WDCP: variants seen among roughly 807,000 people sequenced by gnomAD.
WDCP encodes the protein WD repeat and coiled-coil-containing protein.
In WDCP, 19 loss-of-function variants were observed where a neutral mutation model predicts 41.6. The observed-to-expected ratio is 0.46, with a 90% CI of 0.32 to 0.67. The LOEUF (loss-of-function observed/expected upper bound fraction) is 0.67, where lower values mean the gene tolerates loss of function less well. Ranked by LOEUF, WDCP falls within the 30% of genes least tolerant of loss-of-function variation. The probability of loss-of-function intolerance (pLI) is 0.04; values close to 1 mark genes in which losing one functional copy is unlikely to be tolerated. For missense variants in WDCP, 802 were observed against 850.7 expected (o/e 0.94, Z 0.71); for synonymous variants, 302 against 320.8 (o/e 0.94, Z 0.63).
At chr2:24,042,754 C>T (rs1001100524) in intron 1 of WDCP, among the ~76,000 whole-genome samples, 11 of 151,044 alleles carry the variant, frequency 7.3e-5, no homozygotes, top group Non-Finnish European at 1.6e-4. Context: ...GGGCCAGAGC[C>T]AGGCGCGGCG....
At chr2:24,044,311 C>G (rs1328705946) in intron 1 of WDCP, among the ~76,000 whole-genome samples, 1 of 151,988 alleles carries the variant, frequency 6.6e-6, no homozygotes, top group Non-Finnish European at 1.5e-5. Context: ...GCTCCGTTAC[C>G]CAGGCTGGAG....
intron 3 of WDCP, among the ~76,000 whole-genome samples, 188 bp from the exon 4 acceptor site, chr2:24,031,350 A>C (rs2150946226): frequency 6.6e-6 from 1 of 152,316 alleles, no homozygotes; most frequent in Non-Finnish European, 1.5e-5. Flanking sequence ...AGGTAGGAGA[A>C]AAAGGGGAAA....
chr2:24,038,484 T>C lies in WDCP; in HGVS notation c.1011A>G (p.Pro337=), dbSNP rs140402918. 8.1e-6 allele frequency: 13 copies of C among 1,614,120 alleles called. No homozygotes were observed. Among genetic ancestry groups the C allele is most frequent in the Non-Finnish European group, 1.0e-5 (12 of 1,180,052 alleles). Residue 337 remains proline (P), a synonymous_variant, in exon 2 of 4, where the codon CCA becomes CCG. Coordinates refer to ENST00000295148, the MANE Select transcript of WDCP (RefSeq NM_025203.3). ...CTATCAGATCAGGAACCAGAATGCC[T>C]GGAATAGTGACTTTTCTCGTCATGG... The part of the protein sequence containing the change: ...AVTMTRKVTI[P]GILVPDLIAF...
intron 2 of WDCP, among the ~76,000 whole-genome samples, chr2:24,036,970 TATA>T (rs1396223043): frequency 1.3e-5 from 2 of 152,276 alleles, no homozygotes; most frequent in African/African-American, 2.4e-5. Context: ...ATCCCACTTA[TATA>T]ATGTTTGGAC....
At chr2:24,037,470 T>C (rs1663290460) in intron 2 of WDCP, among the ~76,000 whole-genome samples, 1 of 152,234 alleles carries the variant, frequency 6.6e-6, no homozygotes, top group African/African-American at 2.4e-5. Flanking sequence ...GATAAAATCA[T>C]GATGCAGACT....
chr2:24,031,083 T>C lies in WDCP; in HGVS notation c.2016A>G (p.Ile672Met). The change falls in exon 4 of 4, where the codon ATA (isoleucine) becomes ATG (methionine). Residue 672 changes from isoleucine to methionine, a missense_variant. Physicochemically the swap from Ile to Met is conservative, Grantham distance 10 (BLOSUM62 1). Coordinates refer to ENST00000295148, the MANE Select transcript of WDCP (RefSeq NM_025203.3). ...LTFTATQEII[I>M]RDGSLSRSDV... ...CTGACCTGGACAGGCTGCCATCTCT[T>C]ATGATTATTTCCTGTGTGGCTGTGA... 6.2e-7 allele frequency: 1 copy of C among 1,614,218 alleles called. No individual in the cohort carries two copies.
chr2:24,032,945 T>G lies in WDCP; in HGVS notation c.1820A>C (p.Lys607Thr). 6.4e-7 allele frequency: 1 copy of G among 1,574,180 alleles called. No homozygotes were observed. The highest frequency in any genetic ancestry group is 8.7e-7 in the Non-Finnish European group (1 of 1,145,114). The change falls in exon 3 of 4, where the codon AAA becomes ACA. Residue 607 changes from lysine to threonine, a missense_variant and splice_region_variant. By Grantham distance (78) the Lys-to-Thr change is moderately conservative (BLOSUM62 -1). This residue lies in a region of WDCP where 321 missense variants were observed against 305.1 expected (regional missense o/e 1.05). Coordinates refer to ENST00000295148, the MANE Select transcript of WDCP (RefSeq NM_025203.3). ...AACAACAGGACCTAGATAATAAGGT[T>G]TCTGCAAATAAAAAATAAAAGTTGT... ...DLPYVHIIYQKPYYLGPVVEK... is the reference protein window; with the variant it reads ...DLPYVHIIYQTPYYLGPVVEK...
chr2:24,037,194 T>C (rs1235527595), intron 2 of WDCP, among the ~76,000 whole-genome samples: 4 of 152,146 alleles, frequency 2.6e-5, no homozygotes, highest in African/African-American at 9.7e-5. Flanking sequence ...AGCTAATTTT[T>C]ATATTTTTGT....
chr2:24,038,029 C>A lies in WDCP; in HGVS notation c.1466G>T (p.Gly489Val), dbSNP rs1663311227. Residue 489 changes from glycine (G) to valine (V), a missense_variant, in exon 2 of 4, where the codon GGA becomes GTA. Gly to Val is a moderately radical substitution (Grantham distance 109). Around this residue, in one of 5 missense-constraint regions of WDCP, gnomAD observed 321 missense variants for 305.1 expected, o/e 1.05. Coordinates refer to ENST00000295148, the MANE Select transcript of WDCP (RefSeq NM_025203.3). ...TTTAATAAGTGTTCTTCCAGGCCTTCCATTCTGACTACTGGTATTAACTGT... is the reference window on the plus strand; with the variant it reads ...TTTAATAAGTGTTCTTCCAGGCCTTACATTCTGACTACTGGTATTAACTGT... ...LLTVNTSSQN[G>V]RPGRTLIKEI... The A allele has an allele frequency of 1.2e-6, 2 of 1,614,048 alleles. No homozygotes were observed. Among genetic ancestry groups the A allele is most frequent in the African/African-American group, 1.3e-5 (1 of 74,922 alleles).
chr2:24,045,631 G>GGA (rs367897717), intron 1 of WDCP, among the ~76,000 whole-genome samples: 1 of 106,156 alleles, frequency 9.4e-6, no homozygotes, highest in African/African-American at 4.8e-5. Context: ...GAGAGAGAGA[G>GGA]AGGAAGGAAG....
chr2:24,039,587 A>ATTTGTC (rs1663361695), intron 1 of WDCP, 75 bp from the exon 2 acceptor site: 1 of 1,346,176 alleles, frequency 7.4e-7, no homozygotes, highest in Non-Finnish European at 1.0e-6. Context: ...TTGGTAAGAC[A>ATTTGTC]ACGGCTTAGC....
At chr2:24,036,834 G>A (rs1663271000) in intron 2 of WDCP, among the ~76,000 whole-genome samples, 1 of 152,194 alleles carries the variant, frequency 6.6e-6, no homozygotes, top group Non-Finnish European at 1.5e-5. Context: ...TAGATCATGT[G>A]ACCATGGAGA....
chr2:24,039,462 A>T lies in WDCP; in HGVS notation c.33T>A (p.Thr11=). The T allele has an allele frequency of 6.2e-7, 1 of 1,612,808 alleles. No homozygotes were observed. The highest frequency in any genetic ancestry group is 8.5e-7 in the Non-Finnish European group (1 of 1,178,824). The part of the protein sequence containing the change: MELGKGKLLR[T]GLNALHQAVH... ...CTGCTTGATGCAACGCATTCAGTCCAGTCCTGAGTAGTTTTCCTTTTCCCA... is the reference window on the plus strand; with the variant it reads ...CTGCTTGATGCAACGCATTCAGTCCTGTCCTGAGTAGTTTTCCTTTTCCCA... The change falls in exon 2 of 4, where the codon ACT becomes ACA. Residue 11 remains threonine (T), a synonymous_variant. Transcript: ENST00000295148.
chr2:24,037,552 CAT>C (rs1663292423), intron 2 of WDCP, 123 bp downstream of exon 2: 1 of 1,127,164 alleles, frequency 8.9e-7, no homozygotes, highest in African/African-American at 1.6e-5. Context: ...TTGCCTGTAA[CAT>C]AACATGCCCA....
chr2:24,038,686 T>A lies in WDCP; in HGVS notation c.809A>T (p.Asn270Ile). Reference sequence around the variant, plus strand: ...GGAAGAAGAAACTGATACTTCAGAATTTGTTTCAGAATCAGTTGCCTCTTT... The same window carrying A: ...GGAAGAAGAAACTGATACTTCAGAAATTGTTTCAGAATCAGTTGCCTCTTT... ...MDKEATDSET[N>I]SEVSVSSSYL... The change falls in exon 2 of 4, where the codon AAT becomes ATT. Residue 270 changes from asparagine to isoleucine, a missense_variant. Coordinates refer to ENST00000295148, the MANE Select transcript of WDCP (RefSeq NM_025203.3). 6.2e-7 allele frequency: 1 copy of A among 1,614,212 alleles called. No homozygotes were observed.
intron 2 of WDCP, among the ~76,000 whole-genome samples, chr2:24,035,756 A>AAAAAAAAATTTTTTTTAGTT (rs1469432572): frequency 7.9e-5 from 12 of 151,138 alleles, no homozygotes; most frequent in Non-Finnish European, 1.5e-4. Context: ...CTCTATAGTT[A>AAAAAAAAATTTTTTTTAGTT]AAAAAAAATT....
chr2:24,045,746 G>A (rs971630155), intron 1 of WDCP: 3 of 152,124 alleles, frequency 2.0e-5, no homozygotes, highest in African/African-American at 7.3e-5. Context: ...GCTGAGGTGG[G>A]AGGATCACTT....
In WDCP at chr2:24,031,182, C is replaced by A. The variant is rs185397571; in HGVS notation, c.1937-20G>T. On this transcript the variant is annotated intron_variant, in intron 3 of 3. Coordinates refer to ENST00000295148, the MANE Select transcript of WDCP (RefSeq NM_025203.3). ...GGGAATCTGCAAATAAAAATAAATA[C>A]ACAGGCAATTTAGTATATATTATTC... 118 of 1,562,778 alleles carry A rather than the reference C, an allele frequency of 7.6e-5. No homozygotes were observed. Among genetic ancestry groups the A allele is most frequent in the Non-Finnish European group, 1.0e-4 (117 of 1,135,688 alleles).
intron 1 of WDCP, among the ~76,000 whole-genome samples, chr2:24,045,063 T>C (rs1663568992): frequency 6.6e-6 from 1 of 152,196 alleles, no homozygotes; most frequent in Non-Finnish European, 1.5e-5. Flanking sequence ...ATATGCAGAA[T>C]GGACCTGAGA....
Sources: allele counts gnomAD v4.1 joint callset (sites outside exome capture counted in the v4.1 genomes callset), GRCh38; gene constraint gnomAD v4.1.1; regional missense constraint gnomAD v4.1.1; transcripts MANE v1.5; gene names NCBI Gene and HGNC (gene_info 2026-07-23, HGNC 2026-07-21).